CCDC6: variants seen among roughly 807,000 people sequenced by gnomAD.
CCDC6 encodes coiled-coil domain-containing protein 6.
A neutral mutation model predicts 56.6 loss-of-function variants in CCDC6; 20 were observed. That is an observed-to-expected ratio of 0.35 (90% CI 0.25 to 0.51). The LOEUF is 0.51. Among genes scored for constraint, CCDC6 ranks in the 20% least tolerant of loss-of-function variants. CCDC6 has a pLI of 0.95. For synonymous variants in CCDC6, 241 were observed against 234.4 expected, an observed-to-expected ratio of 1.03 and a Z score of -0.26; for missense variants, 367 against 601.1, an observed-to-expected ratio of 0.61 and a Z score of 4.07.
intron 7 of CCDC6, among the ~76,000 whole-genome samples, chr10:59,795,432 CTG>C (rs1353279604): frequency 6.6e-6 from 1 of 150,690 alleles, no homozygotes; most frequent in Admixed American, 6.6e-5. Context: ...CACCTCATAA[CTG>C]TTAAGTTGGC....
rs201036996 is a variant in CCDC6 at position 59,794,438 on chromosome 10, A to T, written c.1230+35T>A. The T allele has an allele frequency of 8.8e-5, 142 of 1,610,126 alleles. 1 individual carries two copies. The East Asian group carries it at 2.5e-3, about 28-fold the overall frequency. ...AACACCAGTCGGTACCACTTTCAGGAGTAAAGTGCTGCTTCCTACCCCACG... is the reference window on the plus strand; with the variant it reads ...AACACCAGTCGGTACCACTTTCAGGTGTAAAGTGCTGCTTCCTACCCCACG... On this transcript the variant is annotated intron_variant, in intron 8 of 8. Coordinates refer to ENST00000263102, the MANE Select transcript of CCDC6 (RefSeq NM_005436.5).
intron 4 of CCDC6, 30 bp downstream of exon 4, chr10:59,814,621 CA>C: frequency 2.3e-6 from 3 of 1,315,184 alleles, no homozygotes; most frequent in Non-Finnish European, 2.2e-6. Flanking sequence ...CACACACACA[CA>C]CCCATACTGA....
At chr10:59,852,472 A>G in intron 2 of CCDC6, 81 bp downstream of exon 2, 2 of 1,163,016 alleles carry the variant, frequency 1.7e-6, no homozygotes, top group Non-Finnish European at 2.4e-6. Context: ...AAATGTTACA[A>G]GCAAAGTGCT....
chr10:59,880,300 T>C (rs533175903), intron 1 of CCDC6, among the ~76,000 whole-genome samples: 7 of 152,160 alleles, frequency 4.6e-5, no homozygotes, highest in Admixed American at 4.6e-4. Context: ...AGCCCTATAG[T>C]AACAAATGGT....
At chr10:59,900,369 G>A (rs1200949316) in intron 1 of CCDC6, among the ~76,000 whole-genome samples, 1 of 152,162 alleles carries the variant, frequency 6.6e-6, no homozygotes, top group Non-Finnish European at 1.5e-5. Context: ...AGAAAAGAGG[G>A]GAGGAATACA....
intron 3 of CCDC6, among the ~76,000 whole-genome samples, chr10:59,827,618 C>T (rs1032027512): frequency 6.6e-5 from 10 of 152,072 alleles, no homozygotes; most frequent in East Asian, 1.9e-4. Flanking sequence ...CTAAACTACA[C>T]GGGCTAAGAT....
intron 7 of CCDC6, among the ~76,000 whole-genome samples, chr10:59,803,050 A>G (rs2070590792): frequency 6.6e-6 from 1 of 152,198 alleles, no homozygotes; most frequent in African/African-American, 2.4e-5. Context: ...AATGAAACCC[A>G]AGTGCTATTT....
rs758789371 is a variant in CCDC6 at position 59,832,540 on chromosome 10, T to C, written c.567A>G (p.Gln189=). The change falls in exon 3 of 9, where the codon CAA becomes CAG. Residue 189 remains glutamine (Q), a synonymous_variant. Coordinates refer to ENST00000263102, the MANE Select transcript of CCDC6 (RefSeq NM_005436.5). The stretch of plus-strand genomic sequence containing the variant: ...AGGTGCTTACCTGTTCTAATGTAAG[T>C]TGCTTAGAAATGGTGTCATTCTCCA... ...KKLENDTISK[Q]LTLEQLRREK... is the part of the protein sequence containing the mutation. 1.2e-6 allele frequency: 2 copies of C among 1,613,196 alleles called. No homozygotes were observed.
At chr10:59,899,030 T>G (rs1197297875) in intron 1 of CCDC6, among the ~76,000 whole-genome samples, 1 of 152,188 alleles carries the variant, frequency 6.6e-6, no homozygotes, top group Non-Finnish European at 1.5e-5. Flanking sequence ...CTTTGCAATT[T>G]ACTGGTATCA....
At chr10:59,847,139 G>A (rs1443933120) in intron 2 of CCDC6, among the ~76,000 whole-genome samples, 7 of 151,992 alleles carry the variant, frequency 4.6e-5, no homozygotes, top group African/African-American at 9.7e-5. Context: ...CACAAGGTCC[G>A]CCTCCTGGGT....
At chr10:59,851,690 C>T (rs1204016130) in intron 2 of CCDC6, among the ~76,000 whole-genome samples, 1 of 152,074 alleles carries the variant, frequency 6.6e-6, no homozygotes, top group Non-Finnish European at 1.5e-5. Flanking sequence ...ATATATACTT[C>T]AAGCAAATTA....
intron 6 of CCDC6, 71 bp from the exon 7 acceptor site, chr10:59,804,591 A>C: frequency 1.1e-6 from 1 of 870,118 alleles, no homozygotes; most frequent in Non-Finnish European, 2.0e-6. Context: ...TTTTAAGAGA[A>C]AATGTTTGGG....
intron 2 of CCDC6, among the ~76,000 whole-genome samples, chr10:59,837,316 G>A (rs775107268): frequency 3.9e-5 from 6 of 152,184 alleles, no homozygotes; most frequent in Admixed American, 6.5e-5. Flanking sequence ...CACCCAACAT[G>A]CAGCAGGTTT....
chr10:59,808,208 G>A (rs374608050), intron 5 of CCDC6, among the ~76,000 whole-genome samples: 4 of 152,094 alleles, frequency 2.6e-5, no homozygotes, highest in African/African-American at 9.7e-5. Context: ...ACTAGCTGTT[G>A]GACCCAGGCT....
At chr10:59,818,500 G>GT (rs1009788328) in intron 3 of CCDC6, among the ~76,000 whole-genome samples, 1 of 142,026 alleles carries the variant, frequency 7.0e-6, no homozygotes, top group African/African-American at 2.6e-5. Context: ...GTTGACGGGG[G>GT]GGGGGGAAGC....
intron 1 of CCDC6, among the ~76,000 whole-genome samples, chr10:59,894,555 GCAGA>G (rs74429815): frequency 0.18 from 26,675 of 151,980 alleles, 2,994 homozygotes; most frequent in Middle Eastern, 0.26. Context: ...CTGGCATACA[GCAGA>G]CACTCATGTT....
rs943599181 is a variant in CCDC6 at position 59,906,494 on chromosome 10, T to G, written c.-70A>C. ...GCGGCGACGAAGGCCGGGCTGCGAA[T>G]GAGTGGGCGCCGGGCGAGCACAGGG... On this transcript the variant is annotated 5_prime_UTR_variant, in exon 1 of 9. Coordinates refer to ENST00000263102, the MANE Select transcript of CCDC6 (RefSeq NM_005436.5). 6.0e-6 allele frequency: 8 copies of G among 1,327,296 alleles called. No homozygotes were observed. The highest frequency in any genetic ancestry group is 1.6e-5 in the South Asian group (1 of 62,522). The allele number at this position is 1,327,296 out of a possible 1,614,324, so 82.2% of individuals were successfully genotyped here.
At chr10:59,808,063 A>C (rs781553475) in intron 5 of CCDC6, among the ~76,000 whole-genome samples, 1 of 152,130 alleles carries the variant, frequency 6.6e-6, no homozygotes, top group Non-Finnish European at 1.5e-5. Flanking sequence ...AGGGCAGGTG[A>C]AGTCCTGTAT....
At position 59,844,063 on chromosome 10, in the gene CCDC6, C is replaced by T. The variant is rs551987015; in HGVS notation, c.453+8490G>A. Among the ~76,000 whole-genome samples the T allele has an allele frequency of 3.9e-5, 6 of 152,234 alleles. No homozygotes were observed. The South Asian group carries it at 1.2e-3, about 32-fold the overall frequency. On this transcript the variant is annotated intron_variant, in intron 2 of 8. Transcript: ENST00000263102. ...AGATCTCTGCCCAACAGTTCTTCACCATCATGTTAATTATTTAACAAAGAA... is the reference window on the plus strand; with the variant it reads ...AGATCTCTGCCCAACAGTTCTTCACTATCATGTTAATTATTTAACAAAGAA...
Sources: allele counts gnomAD v4.1 joint callset (sites outside exome capture counted in the v4.1 genomes callset), GRCh38; gene constraint gnomAD v4.1.1; transcripts MANE v1.5; gene names NCBI Gene and HGNC (gene_info 2026-07-23, HGNC 2026-07-21).